KCNN3: variants seen among roughly 807,000 people sequenced by gnomAD.
The protein encoded by KCNN3 is small conductance calcium-activated potassium channel protein 3.
In KCNN3, 16 loss-of-function variants were observed where a neutral mutation model predicts 62.9. The ratio of observed to expected loss-of-function variants is 0.25; its 90% CI spans 0.17 to 0.39. The LOEUF is 0.39. Among genes scored for constraint, KCNN3 ranks in the 10% least tolerant of loss-of-function variants. The pLI, the probability that KCNN3 is intolerant of heterozygous loss-of-function variation, is 1.00. For synonymous variants in KCNN3, 370 were observed against 389.2 expected, an observed-to-expected ratio of 0.95 and a Z score of 0.58; for missense variants, 599 against 949.4, an observed-to-expected ratio of 0.63 and a Z score of 4.85.
At chr1:154,849,703 G>T (rs1421682976) in intron 1 of KCNN3, among the ~76,000 whole-genome samples, 1 of 152,232 alleles carries the variant, frequency 6.6e-6, no homozygotes, top group Non-Finnish European at 1.5e-5. Flanking sequence ...ACCTGGAAGG[G>T]CAGGCTGCAG....
chr1:154,744,159 T>C lies in KCNN3; in HGVS notation c.1449-11015A>G, dbSNP rs1187268827. Among the ~76,000 whole-genome samples, 5 of 152,174 alleles carry C rather than the reference T, an allele frequency of 3.3e-5. No homozygotes were observed. In the East Asian group the frequency reaches 5.8e-4, roughly 18 times the overall value. ...AACCCCTATTACAATATAAGGTTCA[T>C]GGAGGAAAGGACTTTTTCTGTTTTC... On this transcript the variant is annotated intron_variant, in intron 3 of 7. Transcript: ENST00000271915.
intron 1 of KCNN3, among the ~76,000 whole-genome samples, chr1:154,848,135 T>C (rs1435061218): frequency 1.3e-5 from 2 of 152,090 alleles, no homozygotes; most frequent in African/African-American, 2.4e-5. Flanking sequence ...CCGGCTGGTG[T>C]GGGCACCGTG....
At chr1:154,824,322 A>G (rs1651021660) in intron 1 of KCNN3, among the ~76,000 whole-genome samples, 1 of 152,220 alleles carries the variant, frequency 6.6e-6, no homozygotes, top group Non-Finnish European at 1.5e-5. Flanking sequence ...CTCAGCACAC[A>G]TGTATGGGGG....
chr1:154,739,329 A>T (rs1700779148), intron 3 of KCNN3, among the ~76,000 whole-genome samples: 1 of 152,080 alleles, frequency 6.6e-6, no homozygotes, highest in Non-Finnish European at 1.5e-5. Context: ...AGCACCATGA[A>T]CTCACCATCC....
chr1:154,834,422 C>A (rs553579370), intron 1 of KCNN3, among the ~76,000 whole-genome samples: 156 of 152,324 alleles, frequency 1.0e-3, no homozygotes, highest in Middle Eastern at 3.4e-3. Flanking sequence ...GTAGACTATC[C>A]ATGGTCTAGG....
At chr1:154,820,383 C>A (rs1196165567) in intron 2 of KCNN3, among the ~76,000 whole-genome samples, 1 of 152,250 alleles carries the variant, frequency 6.6e-6, no homozygotes, top group African/African-American at 2.4e-5. Context: ...AGCTCCTCTT[C>A]TTCCCCTTCC....
intron 2 of KCNN3, among the ~76,000 whole-genome samples, chr1:154,810,399 G>A (rs1650355214): frequency 6.6e-6 from 1 of 152,194 alleles, no homozygotes; most frequent in Non-Finnish European, 1.5e-5. Context: ...AGGGAGGCAA[G>A]AAAGAACAAG....
intron 2 of KCNN3, among the ~76,000 whole-genome samples, chr1:154,808,539 C>G (rs958580142): frequency 6.6e-6 from 1 of 152,306 alleles, no homozygotes; most frequent in East Asian, 1.9e-4. Flanking sequence ...GTGCTTATCT[C>G]TCCATTAGAT....
At chr1:154,813,716 C>T (rs1253637587) in intron 2 of KCNN3, among the ~76,000 whole-genome samples, 1 of 152,184 alleles carries the variant, frequency 6.6e-6, no homozygotes, top group African/African-American at 2.4e-5. Flanking sequence ...ATGGACACAG[C>T]ACCACCCAGT....
intron 7 of KCNN3, 137 bp from the exon 8 acceptor site, chr1:154,708,409 C>G (rs1181775455): frequency 3.3e-6 from 3 of 907,234 alleles, no homozygotes; most frequent in Non-Finnish European, 5.3e-6. Flanking sequence ...AGGAAGGATA[C>G]AGGCTTCTTT....
chr1:154,855,074 C>T (rs749583426), intron 1 of KCNN3, among the ~76,000 whole-genome samples: 10 of 152,014 alleles, frequency 6.6e-5, no homozygotes, highest in East Asian at 3.9e-4. Context: ...AAAAATTAGC[C>T]GGGTGTGATG....
intron 2 of KCNN3, among the ~76,000 whole-genome samples, chr1:154,820,247 C>G (rs1028942834): frequency 1.3e-5 from 2 of 152,204 alleles, no homozygotes; most frequent in Non-Finnish European, 2.9e-5. Context: ...AGGCCCTGGA[C>G]TGGGAACAAG....
Position 154,831,723 on chromosome 1 carries a change from T to G in KCNN3, c.934-9539A>C, listed in dbSNP as rs141781094. Reference sequence around the variant, plus strand: ...GGGTTGGAAACTCACTTCCTCTCAATGTAGCCCTGGAGAGACTCTATTTTG... The same window carrying G: ...GGGTTGGAAACTCACTTCCTCTCAAGGTAGCCCTGGAGAGACTCTATTTTG... On this transcript the variant is annotated intron_variant, in intron 1 of 7. Coordinates refer to ENST00000271915, the MANE Select transcript of KCNN3 (RefSeq NM_002249.6). 1.5e-4 allele frequency among the ~76,000 whole-genome samples: 23 copies of G among 152,248 alleles called. 1 individual carries two copies. In the East Asian group the frequency reaches 4.4e-3, roughly 29 times the overall value.
At chr1:154,807,223 G>C (rs1463827708) in intron 2 of KCNN3, among the ~76,000 whole-genome samples, 1 of 152,106 alleles carries the variant, frequency 6.6e-6, no homozygotes, top group Admixed American at 6.5e-5. Flanking sequence ...AGGTGGTTTT[G>C]GTGAAGCTGA....
rs1699905201 is a variant in KCNN3 at position 154,703,404 on chromosome 1, A to G, written c.*4572T>C. The G allele has an allele frequency of 6.6e-6, 1 of 152,204 alleles. No individual in the cohort carries two copies. 9.4% of individuals were successfully genotyped at this position (152,204 alleles called of 1,614,324 possible). ...TTCGTGCCTACTGGGAAGTCACCAG[A>G]TAGCTGTCTAAGGTACTGAAATCAA... On this transcript the variant is annotated 3_prime_UTR_variant, in exon 8 of 8. Transcript: ENST00000271915.
intron 7 of KCNN3, among the ~76,000 whole-genome samples, chr1:154,711,189 TG>T (rs1472779301): frequency 6.6e-6 from 1 of 151,472 alleles, no homozygotes; most frequent in African/African-American, 2.4e-5. Context: ...TCATGTCCTT[TG>T]TAGGGACATG....
intron 1 of KCNN3, among the ~76,000 whole-genome samples, chr1:154,824,510 A>T (rs1651029762): frequency 6.6e-6 from 1 of 152,214 alleles, no homozygotes; most frequent in Admixed American, 6.5e-5. Flanking sequence ...GAACACTCAG[A>T]CTGTATTAGG....
intron 3 of KCNN3, among the ~76,000 whole-genome samples, chr1:154,763,369 TTC>T (rs1457491859): frequency 1.3e-5 from 2 of 152,316 alleles, no homozygotes; most frequent in Non-Finnish European, 2.9e-5. Context: ...GTTCATTTTT[TTC>T]TGTTTTTGTT....
At chr1:154,859,165 T>C (rs1418485814) in intron 1 of KCNN3, among the ~76,000 whole-genome samples, 2 of 152,254 alleles carry the variant, frequency 1.3e-5, no homozygotes, top group African/African-American at 4.8e-5. Context: ...GCTCCGGCCA[T>C]TCCCATGTAT....
Sources: allele counts gnomAD v4.1 joint callset (sites outside exome capture counted in the v4.1 genomes callset), GRCh38; gene constraint gnomAD v4.1.1; transcripts MANE v1.5; gene names NCBI Gene and HGNC (gene_info 2026-07-23, HGNC 2026-07-21).